Variants in TTC17 observed in about 807,000 individuals in gnomAD.
The protein encoded by TTC17 is tetratricopeptide repeat protein 17.
In TTC17, 58 loss-of-function variants were observed where a neutral mutation model predicts 143.8. The ratio of observed to expected loss-of-function variants is 0.40; its 90% CI spans 0.33 to 0.50. TTC17 has a LOEUF of 0.50. Ranked by LOEUF, TTC17 falls within the 20% of genes least tolerant of loss-of-function variation. TTC17 has a pLI of 0.49. For missense variants in TTC17, 1,273 were observed against 1,392.5 expected, an observed-to-expected ratio of 0.91 and a Z score of 1.37; for synonymous variants, 501 against 497.8, an observed-to-expected ratio of 1.01 and a Z score of -0.09.
intron 19 of TTC17, 81 bp downstream of exon 19, chr11:43,448,203 A>G: frequency 6.4e-7 from 1 of 1,554,804 alleles, no homozygotes; most frequent in Non-Finnish European, 8.7e-7. Flanking sequence ...CCCTCTTAGC[A>G]GCTAGTAGAA....
intron 1 of TTC17, among the ~76,000 whole-genome samples, chr11:43,372,119 G>A (rs900937402): frequency 6.6e-6 from 1 of 152,044 alleles, no homozygotes; most frequent in Non-Finnish European, 1.5e-5. Context: ...CCTTTTTTCT[G>A]CATTCCTAAG....
At chr11:43,383,883 C>T (rs1424867456) in intron 2 of TTC17, among the ~76,000 whole-genome samples, 1 of 151,992 alleles carries the variant, frequency 6.6e-6, no homozygotes, top group Non-Finnish European at 1.5e-5. Flanking sequence ...AATAGACATG[C>T]AGGCCAGGTG....
chr11:43,404,180 A>G (rs558368907), intron 11 of TTC17, 36 bp downstream of exon 11: 2 of 1,582,554 alleles, frequency 1.3e-6, no homozygotes, highest in Admixed American at 1.8e-5. Context: ...AGTTTTCTCA[A>G]ACTGGCAAGA....
intron 21 of TTC17, among the ~76,000 whole-genome samples, chr11:43,477,861 G>T (rs1948214003): frequency 6.6e-6 from 1 of 152,026 alleles, no homozygotes; most frequent in Non-Finnish European, 1.5e-5. Flanking sequence ...GTCTCTCTAG[G>T]AATATTACGA....
At chr11:43,405,491 G>A in intron 11 of TTC17, 23 bp from the exon 12 acceptor site, 1 of 1,568,642 alleles carries the variant, frequency 6.4e-7, no homozygotes, top group Middle Eastern at 1.7e-4. Context: ...AGAAATTTAT[G>A]AGAAATTTTG....
chr11:43,360,405 G>C (rs940560990), intron 1 of TTC17, among the ~76,000 whole-genome samples: 3 of 152,320 alleles, frequency 2.0e-5, no homozygotes, highest in Non-Finnish European at 1.5e-5. Context: ...AGAAAACACT[G>C]TAAGACCATA....
chr11:43,478,013 A>C (rs1247828307), intron 21 of TTC17, among the ~76,000 whole-genome samples: 1 of 152,170 alleles, frequency 6.6e-6, no homozygotes, highest in East Asian at 1.9e-4. Flanking sequence ...ACACCTATAA[A>C]GTAGTTTTGT....
At chr11:43,361,510 A>G (rs1195965103) in intron 1 of TTC17, among the ~76,000 whole-genome samples, 1 of 152,246 alleles carries the variant, frequency 6.6e-6, no homozygotes, top group Non-Finnish European at 1.5e-5. Context: ...GGGCAAAATC[A>G]TCTAACAGCA....
intron 16 of TTC17, among the ~76,000 whole-genome samples, chr11:43,441,275 CA>C (rs770291331): frequency 2.5e-3 from 327 of 130,874 alleles, no homozygotes; most frequent in South Asian, 4.4e-3. Context: ...GACTCTATCT[CA>C]AAAAAAAAAA....
intron 1 of TTC17, among the ~76,000 whole-genome samples, chr11:43,376,640 T>C (rs1237495062): frequency 6.6e-6 from 1 of 152,202 alleles, no homozygotes; most frequent in Non-Finnish European, 1.5e-5. Flanking sequence ...CTAAAGACTT[T>C]GAAGGCATAT....
At chr11:43,382,897 TTTTTTC>T (rs1485486453) in intron 2 of TTC17, among the ~76,000 whole-genome samples, 1 of 148,170 alleles carries the variant, frequency 6.7e-6, no homozygotes, top group Admixed American at 6.6e-5. Context: ...TTATTTTCTT[TTTTTTC>T]TTTTTCTTTT....
chr11:43,389,862 A>G (rs1416007147), intron 3 of TTC17, 41 bp downstream of exon 3: 3 of 1,513,632 alleles, frequency 2.0e-6, no homozygotes, highest in Non-Finnish European at 2.7e-6. Flanking sequence ...TGCTGTTTCA[A>G]ACATTTCCTT....
In TTC17 at chr11:43,465,672, G is replaced by A. The variant is rs182690136; in HGVS notation, c.3030+14407G>A. Among the ~76,000 whole-genome samples the A allele has an allele frequency of 3.9e-4, 59 of 152,234 alleles. No homozygotes were observed. In the Middle Eastern group the frequency reaches 0.02, roughly 53 times the overall value. On this transcript the variant is annotated intron_variant, in intron 21 of 23. Coordinates refer to ENST00000039989, the MANE Select transcript of TTC17 (RefSeq NM_018259.6). The stretch of plus-strand genomic sequence containing the variant: ...AAATAATTTTCCACACGGGTACCAA[G>A]ACCATTCAATGGGGAAAAGATGGTC...
chr11:43,413,429 G>A (rs1946702995), intron 15 of TTC17, among the ~76,000 whole-genome samples: 1 of 151,920 alleles, frequency 6.6e-6, no homozygotes, highest in Admixed American at 6.6e-5. Context: ...CTTGCAGTAG[G>A]CAAAGATGTC....
chr11:43,408,841 A>C (rs915389056), intron 15 of TTC17, among the ~76,000 whole-genome samples: 1 of 152,070 alleles, frequency 6.6e-6, no homozygotes, highest in African/African-American at 2.4e-5. Flanking sequence ...TCCTAGGCTC[A>C]AGTAGTGCAC....
At chr11:43,417,895 T>C (rs1310279693) in intron 16 of TTC17, among the ~76,000 whole-genome samples, 2 of 152,190 alleles carry the variant, frequency 1.3e-5, no homozygotes, top group East Asian at 1.9e-4. Flanking sequence ...AACTATAATA[T>C]AGTAGAATGT....
intron 16 of TTC17, among the ~76,000 whole-genome samples, chr11:43,437,869 C>T (rs545481496): frequency 2.0e-3 from 300 of 152,256 alleles, no homozygotes; most frequent in Admixed American, 2.8e-3. Flanking sequence ...TCAGAGTTCC[C>T]AGTTTTCTCT....
chr11:43,422,831 T>G (rs1946938486), intron 16 of TTC17, among the ~76,000 whole-genome samples: 1 of 152,110 alleles, frequency 6.6e-6, no homozygotes, highest in African/African-American at 2.4e-5. Context: ...ACTCTTAAGT[T>G]TTGCTATAGT....
intron 16 of TTC17, among the ~76,000 whole-genome samples, chr11:43,428,692 C>CA (rs1947084669): frequency 6.6e-6 from 1 of 152,176 alleles, no homozygotes; most frequent in African/African-American, 2.4e-5. Context: ...AATTCTTGGG[C>CA]AAAGCAAGTT....
Sources: gnomAD v4.1 joint callset for allele counts (sites outside exome capture counted in the v4.1 genomes callset) on GRCh38, gnomAD v4.1.1 for gene constraint, MANE v1.5 for transcripts, NCBI Gene and HGNC (gene_info 2026-07-23, HGNC 2026-07-21) for gene names.